Variants in ZFPM1 observed in about 807,000 individuals in gnomAD.
ZFPM1 encodes zinc finger protein ZFPM1.
ZFPM1 carries 28 observed loss-of-function variants against 46.3 expected under a neutral mutation model. The observed-to-expected ratio is 0.60, with a 90% CI of 0.45 to 0.83. The LOEUF (loss-of-function observed/expected upper bound fraction) is 0.83. Among genes scored for constraint, ZFPM1 ranks in the 40% least tolerant of loss-of-function variants. The pLI is 0.00. For synonymous variants in ZFPM1, 957 were observed against 675.9 expected (o/e 1.42, Z -6.45); for missense variants, 1,878 against 1,432.4 (o/e 1.31, Z -5.02).
rs1048018421 is a variant in ZFPM1, at chr16:88,500,059, C to A, written c.268+10906C>A. Among the ~76,000 whole-genome samples the A allele has an allele frequency of 6.6e-5, 10 of 152,216 alleles. 1 individual carries two copies. ...AGAGGCTATCTGTGGCCAGGGCAGCCTATCTCGGCCGCAGGCGCTAATCAA... is the reference window on the plus strand; with the variant it reads ...AGAGGCTATCTGTGGCCAGGGCAGCATATCTCGGCCGCAGGCGCTAATCAA... On this transcript the variant is annotated intron_variant, in intron 3 of 9. Transcript: ENST00000319555.
intron 1 of ZFPM1, among the ~76,000 whole-genome samples, chr16:88,457,506 C>A (rs755554418): frequency 6.6e-6 from 1 of 152,240 alleles, no homozygotes; most frequent in Non-Finnish European, 1.5e-5. Context: ...TGGTCCTTGG[C>A]CCAGTTGCCT....
rs1010823931 is a variant in ZFPM1, at chr16:88,536,374, G to C, written c.*1395G>C. On this transcript the variant is annotated 3_prime_UTR_variant, in exon 10 of 10. Coordinates refer to ENST00000319555, the MANE Select transcript of ZFPM1 (RefSeq NM_153813.3). The stretch of plus-strand genomic sequence containing the variant: ...ATTTTTATAGAGACAGGGTCTTCCT[G>C]TGTTGCCCAAGATGGTCTCAAACTC... The C allele has an allele frequency of 1.3e-5, 2 of 152,136 alleles. No individual in the cohort carries two copies. The highest frequency in any genetic ancestry group is 2.4e-5 in the African/African-American group (1 of 41,414). 9.4% of individuals were successfully genotyped at this position (152,136 alleles called of 1,614,324 possible).
chr16:88,495,354 C>T (rs1909876897), intron 3 of ZFPM1, among the ~76,000 whole-genome samples: 2 of 152,212 alleles, frequency 1.3e-5, no homozygotes, highest in African/African-American at 4.8e-5. Context: ...GCCTCCGCCA[C>T]CTCCCTCTGT....
At chr16:88,505,453 C>T (rs564304854) in intron 3 of ZFPM1, among the ~76,000 whole-genome samples, 1 of 152,334 alleles carries the variant, frequency 6.6e-6, no homozygotes, top group South Asian at 2.1e-4. Flanking sequence ...GAGGGGCTGA[C>T]AGTCCAGCAG....
intron 1 of ZFPM1, among the ~76,000 whole-genome samples, chr16:88,460,013 C>T (rs7188154): frequency 0.33 from 50,149 of 150,764 alleles, 8,549 homozygotes; most frequent in East Asian, 0.48. Flanking sequence ...CCCCTGACAC[C>T]CACCCTCTAG....
At chr16:88,494,398 C>T (rs1457465818) in intron 3 of ZFPM1, among the ~76,000 whole-genome samples, 3 of 152,138 alleles carry the variant, frequency 2.0e-5, no homozygotes, top group African/African-American at 7.2e-5. Context: ...AAGGGATCCA[C>T]CAGTGGGGTT....
intron 1 of ZFPM1, among the ~76,000 whole-genome samples, chr16:88,479,496 C>G (rs1477224513): frequency 6.6e-6 from 1 of 152,102 alleles, no homozygotes; most frequent in East Asian, 1.9e-4. Context: ...CCCCAGTCAC[C>G]TTGCGCTCCC....
At chr16:88,533,097 G>A (rs112405286) in intron 9 of ZFPM1, 51 bp from the exon 10 acceptor site, 3 of 1,084,286 alleles carry the variant, frequency 2.8e-6, no homozygotes, top group South Asian at 1.5e-5. Context: ...AGCTCTGACC[G>A]GCCAGGTCCT....
chr16:88,489,820 G>A (rs1484036885), intron 3 of ZFPM1, among the ~76,000 whole-genome samples: 3 of 152,240 alleles, frequency 2.0e-5, no homozygotes, highest in Non-Finnish European at 4.4e-5. Context: ...AATACTGGCA[G>A]TCAGGTTGTT....
intron 3 of ZFPM1, among the ~76,000 whole-genome samples, chr16:88,501,012 C>T (rs1910223105): frequency 1.3e-5 from 2 of 151,600 alleles, no homozygotes; most frequent in African/African-American, 2.4e-5. Flanking sequence ...CTGACTTCTC[C>T]ACCTCCTCCT....
Position 88,489,062 on chromosome 16 carries a change from C to T in ZFPM1, c.177C>T (p.Pro59=), listed in dbSNP as rs142959423. 1.8e-5 allele frequency: 29 copies of T among 1,613,068 alleles called. No individual in the cohort carries two copies. The highest frequency in any genetic ancestry group is 2.2e-5 in the East Asian group (1 of 44,882). ...ACTCACCCCCACCGCTGCCGCCCCC[C>T]ACATCCCCAGGAGGCCCCAAGGAGC... ...DVNSPPPLPP[P]TSPGGPKELE... The change falls in exon 3 of 10, where the codon CCC becomes CCT. Residue 59 remains proline (P), a synonymous_variant. Transcript: ENST00000319555.
intron 4 of ZFPM1, among the ~76,000 whole-genome samples, chr16:88,515,046 A>G (rs562092423): frequency 1.3e-5 from 2 of 152,312 alleles, no homozygotes; most frequent in South Asian, 4.1e-4. Flanking sequence ...TGCTAGACAC[A>G]AAGGCCTGTG....
chr16:88,489,272 C>A, intron 3 of ZFPM1, 119 bp downstream of exon 3: 1 of 1,418,884 alleles, frequency 7.0e-7, no homozygotes, highest in South Asian at 1.5e-5. Context: ...ACCCACCAGG[C>A]CCAGGCCTGT....
At chr16:88,490,586 G>A (rs929328429) in intron 3 of ZFPM1, among the ~76,000 whole-genome samples, 1 of 152,214 alleles carries the variant, frequency 6.6e-6, no homozygotes, top group Admixed American at 6.5e-5. Context: ...AGCAGCAAGG[G>A]GAGAGTGCAC....
intron 1 of ZFPM1, among the ~76,000 whole-genome samples, chr16:88,484,275 C>T (rs1401183092): frequency 6.6e-6 from 1 of 152,208 alleles, no homozygotes; most frequent in Non-Finnish European, 1.5e-5. Context: ...CCAGGAACCA[C>T]CTAGCCAGAG....
chr16:88,461,220 G>GCCTGGTGAGGACCGAGGGGCAGGAGGC (rs1907865852), intron 1 of ZFPM1, among the ~76,000 whole-genome samples: 1 of 116,214 alleles, frequency 8.6e-6, no homozygotes, highest in Non-Finnish European at 1.7e-5. Context: ...GGGGCGGGAG[G>GCCTGGTGAGGACCGAGGGGCAGGAGGC]CCTGGTGAGG....
chr16:88,519,908 C>T (rs574540008), intron 4 of ZFPM1, among the ~76,000 whole-genome samples: 17 of 136,152 alleles, frequency 1.2e-4, no homozygotes, highest in Middle Eastern at 5.6e-3. Context: ...GATGGATTGA[C>T]GGCTGGGTAG....
rs1417286498 is a variant in ZFPM1, at chr16:88,497,685, G to A, written c.268+8532G>A. 2.0e-5 allele frequency among the ~76,000 whole-genome samples: 3 copies of A among 152,174 alleles called. No individual in the cohort carries two copies. Among genetic ancestry groups the A allele is most frequent in the South Asian group, 2.1e-4 (1 of 4,836 alleles). ...CCGGTCCAGCATCCCGGCGCTGGGA[G>A]CCGGCAGCTGCTGTGAGGCGGGAGG... On this transcript the variant is annotated intron_variant, in intron 3 of 9. Transcript: ENST00000319555. This position sits in a 1 kb window ranked among gnomAD's most constrained non-coding sequence, Gnocchi z 5.4.
chr16:88,535,035 G>A lies in ZFPM1; in HGVS notation c.*56G>A. ...ACGCCCCGCTGCGATGCGGGGAGGG[G>A]GCCGCCCCCAGGCCGCACGGACTGC... On this transcript the variant is annotated 3_prime_UTR_variant, in exon 10 of 10. Coordinates refer to ENST00000319555, the MANE Select transcript of ZFPM1 (RefSeq NM_153813.3). 2 of 1,353,336 alleles carry A rather than the reference G, an allele frequency of 1.5e-6. No homozygotes were observed. The highest frequency in any genetic ancestry group is 1.9e-6 in the Non-Finnish European group (2 of 1,045,164). The allele number at this position is 1,353,336 out of a possible 1,614,324, so 83.8% of individuals were successfully genotyped here. A position where few individuals can be genotyped will look rare whatever the true frequency, so the allele number is the denominator to read the frequency against.
Sources: gnomAD v4.1 joint callset for allele counts (sites outside exome capture counted in the v4.1 genomes callset) on GRCh38, gnomAD v4.1.1 for gene constraint, Gnocchi (gnomAD v3.1) non-coding constraint, MANE v1.5 for transcripts, NCBI Gene and HGNC (gene_info 2026-07-23, HGNC 2026-07-21) for gene names.